The following GMDS variants were observed in gnomAD, a reference collection of about 807,000 sequenced individuals.
The protein encoded by GMDS is GDP-mannose 4,6 dehydratase.
GMDS carries 20 observed loss-of-function variants against 49.9 expected under a neutral mutation model. That is an observed-to-expected ratio of 0.40 (90% confidence interval 0.28 to 0.58). GMDS has a LOEUF of 0.58. GMDS is among the 20% of genes least tolerant of loss of function. GMDS has a pLI of 0.42. For missense variants in GMDS, 362 were observed against 481.4 expected, an observed-to-expected ratio of 0.75 and a Z score of 2.32; for synonymous variants, 177 against 178.6, an observed-to-expected ratio of 0.99 and a Z score of 0.07.
At chr6:1,936,555 C>T (rs1762543717) in intron 6 of GMDS, among the ~76,000 whole-genome samples, 1 of 152,180 alleles carries the variant, frequency 6.6e-6, no homozygotes, top group African/African-American at 2.4e-5. Context: ...GAAGACACCA[C>T]CTGCCCCTTT....
intron 4 of GMDS, among the ~76,000 whole-genome samples, chr6:2,003,768 C>G (rs754850129): frequency 1.3e-5 from 2 of 152,098 alleles, no homozygotes; most frequent in Non-Finnish European, 2.9e-5. Context: ...AAACTGACAC[C>G]TTTCAAAGGT....
chr6:1,978,670 T>C (rs1321831274), intron 4 of GMDS, among the ~76,000 whole-genome samples: 2 of 152,180 alleles, frequency 1.3e-5, no homozygotes, highest in African/African-American at 4.8e-5. Flanking sequence ...CTGTTTGGGC[T>C]GCCTGTGGGC....
intron 9 of GMDS, among the ~76,000 whole-genome samples, chr6:1,718,503 G>A (rs1766253399): frequency 6.6e-6 from 1 of 152,100 alleles, no homozygotes; most frequent in Non-Finnish European, 1.5e-5. Flanking sequence ...TCTCTGCCAT[G>A]TTCTGGCACC....
chr6:1,850,737 T>C (rs1757628160), intron 7 of GMDS, among the ~76,000 whole-genome samples: 1 of 152,196 alleles, frequency 6.6e-6, no homozygotes, highest in Admixed American at 6.5e-5. Context: ...CGGCGATCTA[T>C]TCCAGACGCA....
chr6:2,070,165 A>G (rs1771897576), intron 4 of GMDS, among the ~76,000 whole-genome samples: 1 of 151,070 alleles, frequency 6.6e-6, no homozygotes, highest in African/African-American at 2.4e-5. Flanking sequence ...AACTATCGCA[A>G]GAACAAAAAA....
At chr6:2,215,477 C>T (rs1325614336) in intron 1 of GMDS, among the ~76,000 whole-genome samples, 1 of 149,374 alleles carries the variant, frequency 6.7e-6, no homozygotes, top group Non-Finnish European at 1.5e-5. Flanking sequence ...ACAAGAACAG[C>T]ATGGGGGCAA....
At chr6:2,144,693 T>C (rs1776466359) in intron 1 of GMDS, among the ~76,000 whole-genome samples, 1 of 152,218 alleles carries the variant, frequency 6.6e-6, no homozygotes, top group Non-Finnish European at 1.5e-5. Context: ...GGGCAGCCTC[T>C]TCCCAACCAC....
At position 1,640,951 on chromosome 6, in the gene GMDS, TG is replaced by T. The variant is rs1763313042; in HGVS notation, c.988-16412del. ...TGAAGGGCCGGCTGGTTAGAAACCC[TG>T]AAGTCCAGAGTGACCCCATGGGGCT... On this transcript the variant is annotated intron_variant, in intron 9 of 10. Transcript: ENST00000380815. The surrounding 1 kb of genome is among the most constrained non-coding windows in gnomAD (Gnocchi z 4.0). 1.3e-5 allele frequency among the ~76,000 whole-genome samples: 2 copies of T among 152,310 alleles called. No individual in the cohort carries two copies. Among genetic ancestry groups the T allele is most frequent in the Non-Finnish European group, 2.9e-5 (2 of 68,022 alleles).
intron 4 of GMDS, among the ~76,000 whole-genome samples, chr6:2,085,673 C>A (rs1010617412): frequency 1.3e-5 from 2 of 152,078 alleles, no homozygotes; most frequent in Non-Finnish European, 2.9e-5. Context: ...GGACTACAGG[C>A]GCTCACCACC....
intron 7 of GMDS, among the ~76,000 whole-genome samples, chr6:1,884,843 T>C (rs1018116251): frequency 6.6e-6 from 1 of 152,234 alleles, no homozygotes; most frequent in Non-Finnish European, 1.5e-5. Context: ...AGCTGATCAC[T>C]TCTAAAATGC....
chr6:1,964,957 T>G (rs6911904), intron 4 of GMDS, among the ~76,000 whole-genome samples: 1 of 151,482 alleles, frequency 6.6e-6, no homozygotes, highest in Non-Finnish European at 1.5e-5. Context: ...TTGCTGAGAA[T>G]GATGGTTTCC....
chr6:1,912,475 A>C (rs1040471812), intron 7 of GMDS, among the ~76,000 whole-genome samples: 1 of 152,204 alleles, frequency 6.6e-6, no homozygotes, highest in African/African-American at 2.4e-5. Flanking sequence ...GCATTACCTT[A>C]CACAGTAAAA....
At chr6:2,115,455 T>TA (rs1316681406) in intron 4 of GMDS, among the ~76,000 whole-genome samples, 2 of 152,262 alleles carry the variant, frequency 1.3e-5, no homozygotes, top group Non-Finnish European at 2.9e-5. Flanking sequence ...ACAAAACATT[T>TA]AATTCACAAT....
At chr6:1,653,067 C>A (rs1367294572) in intron 9 of GMDS, among the ~76,000 whole-genome samples, 3 of 151,838 alleles carry the variant, frequency 2.0e-5, no homozygotes, top group African/African-American at 7.3e-5. Flanking sequence ...TCCTACTGCT[C>A]GGCAGCCTTG....
At chr6:2,119,744 T>G (rs1775040891) in intron 2 of GMDS, among the ~76,000 whole-genome samples, 1 of 152,100 alleles carries the variant, frequency 6.6e-6, no homozygotes. Context: ...TTATATAAAC[T>G]TAATCAAAAT....
intron 7 of GMDS, among the ~76,000 whole-genome samples, chr6:1,770,591 G>T (rs1768545268): frequency 6.6e-6 from 1 of 152,262 alleles, no homozygotes; most frequent in Non-Finnish European, 1.5e-5. Flanking sequence ...AGAGTGAACA[G>T]TACTTGCTTT....
chr6:2,236,614 TTCA>T (rs530097065), intron 1 of GMDS, among the ~76,000 whole-genome samples: 2 of 152,336 alleles, frequency 1.3e-5, no homozygotes, highest in South Asian at 4.1e-4. Context: ...AAAATTCCAA[TTCA>T]TCATTTTTAA....
At chr6:2,189,671 C>A (rs1278264170) in intron 1 of GMDS, among the ~76,000 whole-genome samples, 1 of 152,314 alleles carries the variant, frequency 6.6e-6, no homozygotes, top group Admixed American at 6.5e-5. Flanking sequence ...GGGGAAGGGA[C>A]ATTTGCAGAA....
chr6:1,676,222 C>A (rs1273772352), intron 9 of GMDS, among the ~76,000 whole-genome samples: 1 of 152,214 alleles, frequency 6.6e-6, no homozygotes, highest in East Asian at 1.9e-4. Flanking sequence ...ATCCAACTTA[C>A]AAGGAATGTG....
Sources: gnomAD v4.1 joint callset for allele counts (sites outside exome capture counted in the v4.1 genomes callset) on GRCh38, gnomAD v4.1.1 for gene constraint, Gnocchi (gnomAD v3.1) non-coding constraint, MANE v1.5 for transcripts, NCBI Gene and HGNC (gene_info 2026-07-23, HGNC 2026-07-21) for gene names.